RASGRF2: variants seen among roughly 807,000 people sequenced by gnomAD.
The protein encoded by RASGRF2 is Ras protein specific guanine nucleotide releasing factor 2.
In RASGRF2, 76 loss-of-function variants were observed where a neutral mutation model predicts 151.0. The observed-to-expected ratio is 0.50, with a 90% CI of 0.42 to 0.61. The LOEUF (loss-of-function observed/expected upper bound fraction) is 0.61, where lower values mean the gene tolerates loss of function less well. RASGRF2 is among the 20% of genes least tolerant of loss of function. The pLI, the probability that RASGRF2 is intolerant of heterozygous loss-of-function variation, is 0.00. For synonymous variants in RASGRF2, 504 were observed against 566.5 expected (o/e 0.89, Z 1.57); for missense variants, 1,148 against 1,564.6 (o/e 0.73, Z 4.49).
chr5:81,220,621 C>T (rs1755836788), intron 26 of RASGRF2, among the ~76,000 whole-genome samples: 1 of 152,174 alleles, frequency 6.6e-6, no homozygotes, highest in Admixed American at 6.5e-5. Context: ...AGTAGCCCGC[C>T]ACCACGCCTG....
chr5:81,143,784 G>A (rs1230562589), intron 17 of RASGRF2, among the ~76,000 whole-genome samples: 1 of 151,794 alleles, frequency 6.6e-6, no homozygotes, highest in African/African-American at 2.4e-5. Flanking sequence ...TAGCTACTCA[G>A]GAGGCTGAGG....
Position 81,109,092 on chromosome 5 carries a change from T to A in RASGRF2, c.1838+14T>A, listed in dbSNP as rs754550793. On this transcript the variant is annotated intron_variant, in intron 13 of 26. Coordinates refer to ENST00000265080, the MANE Select transcript of RASGRF2 (RefSeq NM_006909.3). The stretch of plus-strand genomic sequence containing the variant: ...ACATATGATTAAGTAAGTGTGAGAA[T>A]CCTTTCCTTTACATTTTAATCAAGA... The A allele has an allele frequency of 1.2e-6, 2 of 1,601,056 alleles. No homozygotes were observed. The highest frequency in any genetic ancestry group is 2.7e-5 in the African/African-American group (2 of 74,686).
Position 80,995,685 on chromosome 5 carries a change from C to A in RASGRF2, c.288+34659C>A, listed in dbSNP as rs111835677. ...AAATCATTGTTTCTTTCCTTTCCTTCCCCCCCCCTTTTTTTTTTTTTTTTT... is the reference window on the plus strand; with the variant it reads ...AAATCATTGTTTCTTTCCTTTCCTTACCCCCCCCTTTTTTTTTTTTTTTTT... On this transcript the variant is annotated intron_variant, in intron 1 of 26. Coordinates refer to ENST00000265080, the MANE Select transcript of RASGRF2 (RefSeq NM_006909.3). 6.2e-4 allele frequency among the ~76,000 whole-genome samples: 12 copies of A among 19,330 alleles called. 2 individuals carry two copies. The highest frequency in any genetic ancestry group is 1.6e-3 in the African/African-American group (10 of 6,224). The allele number at this position is 19,330 out of a possible 152,430, so 12.7% of individuals were successfully genotyped here.
chr5:81,082,349 C>G (rs890563148), intron 7 of RASGRF2, among the ~76,000 whole-genome samples: 1 of 152,194 alleles, frequency 6.6e-6, no homozygotes, highest in South Asian at 2.1e-4. Flanking sequence ...TCTCCCACCA[C>G]CCTGCCCTTC....
At chr5:81,150,857 A>G (rs2112619369) in intron 17 of RASGRF2, among the ~76,000 whole-genome samples, 1 of 152,336 alleles carries the variant, frequency 6.6e-6, no homozygotes, top group East Asian at 1.9e-4. Context: ...GGTGTTCACC[A>G]CAGATGATGC....
At chr5:81,112,570 C>T (rs970431431) in intron 13 of RASGRF2, 40 bp from the exon 14 acceptor site, 2 of 1,610,326 alleles carry the variant, frequency 1.2e-6, no homozygotes, top group Non-Finnish European at 8.5e-7. Flanking sequence ...GGGGAAGCCT[C>T]CTCCTGGTTT....
In RASGRF2 at chr5:81,070,563, C is replaced by T; in HGVS notation, c.615C>T (p.Asp205=). The T allele has an allele frequency of 6.2e-7, 1 of 1,608,422 alleles. No homozygotes were observed. Among genetic ancestry groups the T allele is most frequent in the Non-Finnish European group, 8.5e-7 (1 of 1,174,892 alleles). The part of the protein sequence containing the change: ...YQSNQEDEDP[D]IKKIKKVQSF... ...GCAACCAAGAAGACGAAGATCCAGA[C>T]ATCAAGAAGATTAAAAAGGTAGGGC... The change falls in exon 4 of 27, where the codon GAC becomes GAT. Residue 205 remains aspartate, a synonymous_variant. Transcript: ENST00000265080.
chr5:81,176,226 T>C (rs1754770973), intron 17 of RASGRF2, among the ~76,000 whole-genome samples: 1 of 152,150 alleles, frequency 6.6e-6, no homozygotes, highest in African/African-American at 2.4e-5. Context: ...GGGAGCTCCT[T>C]GGACAATATA....
intron 4 of RASGRF2, among the ~76,000 whole-genome samples, chr5:81,072,061 TG>T (rs1314961855): frequency 1.3e-5 from 2 of 152,254 alleles, no homozygotes; most frequent in African/African-American, 4.8e-5. Flanking sequence ...ATTAATTTTT[TG>T]TTCTTTATGT....
intron 12 of RASGRF2, among the ~76,000 whole-genome samples, chr5:81,101,509 C>G (rs770967408): frequency 5.3e-5 from 8 of 151,728 alleles, no homozygotes; most frequent in Non-Finnish European, 1.0e-4. Flanking sequence ...GTTTGTGAAG[C>G]CTGGGGATGT....
intron 1 of RASGRF2, among the ~76,000 whole-genome samples, chr5:81,038,217 A>T (rs1750565942): frequency 6.6e-6 from 1 of 152,142 alleles, no homozygotes; most frequent in African/African-American, 2.4e-5. Context: ...TTTATGGTAT[A>T]TGTGGAGGAG....
At chr5:81,100,046 T>C (rs1752656980) in intron 12 of RASGRF2, among the ~76,000 whole-genome samples, 1 of 151,870 alleles carries the variant, frequency 6.6e-6, no homozygotes, top group Non-Finnish European at 1.5e-5. Context: ...TAGCTGGCAC[T>C]ACAGGCACCC....
intron 12 of RASGRF2, among the ~76,000 whole-genome samples, chr5:81,098,505 A>G (rs1040335937): frequency 1.3e-5 from 2 of 152,198 alleles, no homozygotes; most frequent in African/African-American, 4.8e-5. Flanking sequence ...CAGGGAGAAT[A>G]GTGAAGAGGA....
At chr5:80,997,814 A>C (rs1392673754) in intron 1 of RASGRF2, 2 of 152,046 alleles carry the variant, frequency 1.3e-5, no homozygotes, top group Non-Finnish European at 2.9e-5. Context: ...CTAAACATAC[A>C]AAAAATTAGC....
chr5:80,997,204 A>T (rs1232146898), intron 1 of RASGRF2: 1 of 152,144 alleles, frequency 6.6e-6, no homozygotes, highest in Admixed American at 6.5e-5. Flanking sequence ...CCTTCTTGAA[A>T]TCTTGGAAGT....
At chr5:81,104,974 C>T (rs190782674) in intron 12 of RASGRF2, among the ~76,000 whole-genome samples, 1 of 152,024 alleles carries the variant, frequency 6.6e-6, no homozygotes, top group Admixed American at 6.6e-5. Flanking sequence ...TACTTTGAAC[C>T]CTGCAGAGTT....
intron 1 of RASGRF2, among the ~76,000 whole-genome samples, chr5:81,013,546 C>T (rs1561554244): frequency 6.6e-6 from 1 of 151,704 alleles, no homozygotes; most frequent in African/African-American, 2.4e-5. Flanking sequence ...CAAATCCTCT[C>T]TTGAATTTTG....
intron 1 of RASGRF2, among the ~76,000 whole-genome samples, chr5:80,969,616 T>C (rs1320748085): frequency 7.1e-6 from 1 of 140,690 alleles, no homozygotes; most frequent in Non-Finnish European, 1.5e-5. Context: ...GCCCGGCTAA[T>C]TTTTTTTTGT....
chr5:81,104,181 A>G (rs951864006), intron 12 of RASGRF2, among the ~76,000 whole-genome samples: 2 of 152,168 alleles, frequency 1.3e-5, no homozygotes, highest in African/African-American at 4.8e-5. Context: ...CAGAAAAATG[A>G]TGATCTGTAG....
Sources: gnomAD v4.1 joint callset for allele counts (sites outside exome capture counted in the v4.1 genomes callset) on GRCh38, gnomAD v4.1.1 for gene constraint, MANE v1.5 for transcripts, NCBI Gene and HGNC (gene_info 2026-07-23, HGNC 2026-07-21) for gene names.